The following GRM7 variants were observed in gnomAD, a reference collection of about 807,000 sequenced individuals.
GRM7 encodes glutamate metabotropic receptor 7.
A neutral mutation model predicts 84.5 loss-of-function variants in GRM7; 35 were observed. The ratio of observed to expected loss-of-function variants is 0.41; its 90% CI spans 0.32 to 0.55. The LOEUF is 0.55. GRM7 is among the 20% of genes least tolerant of loss of function. The pLI is 0.19. For missense variants in GRM7, 1,003 were observed against 1,194.6 expected (o/e 0.84, Z 2.36); for synonymous variants, 487 against 455.1 (o/e 1.07, Z -0.89).
intron 5 of GRM7, among the ~76,000 whole-genome samples, chr3:7,445,697 A>G (rs1281364910): frequency 6.6e-6 from 1 of 152,208 alleles, no homozygotes; most frequent in African/African-American, 2.4e-5. Flanking sequence ...GACACTATGA[A>G]AGATGCACCA....
At chr3:7,461,512 C>A in intron 6 of GRM7, 71 bp from the exon 7 acceptor site, 1 of 1,271,580 alleles carries the variant, frequency 7.9e-7, no homozygotes, top group South Asian at 1.2e-5. Flanking sequence ...TCTAGCCTGT[C>A]ACCCATAGTA....
rs182027971 is a variant in GRM7 at position 7,538,258 on chromosome 3, C to A, written c.1516-40164C>A. ...CTGAGAAGCTGGGATTACAAGAGTG[C>A]GCAACCACGCCCAGCTAATTTTTGT... On this transcript the variant is annotated intron_variant, in intron 7 of 9. Coordinates refer to ENST00000357716, the MANE Select transcript of GRM7 (RefSeq NM_000844.4). Among the ~76,000 whole-genome samples, 241 of 152,174 alleles carry A rather than the reference C, an allele frequency of 1.6e-3. 1 individual carries two copies. Among genetic ancestry groups the A allele is most frequent in the Admixed American group, 4.6e-3 (70 of 15,282 alleles).
chr3:7,174,326 A>G (rs186784503), intron 2 of GRM7, among the ~76,000 whole-genome samples: 101 of 152,356 alleles, frequency 6.6e-4, no homozygotes, highest in African/African-American at 2.4e-3. Flanking sequence ...TGTAAAGAAA[A>G]AGAAACCACT....
At chr3:7,093,779 A>C (rs1011704137) in intron 1 of GRM7, among the ~76,000 whole-genome samples, 4 of 150,882 alleles carry the variant, frequency 2.7e-5, no homozygotes, top group African/African-American at 4.9e-5. Context: ...GTTCTGTTAA[A>C]CTTCAATTGA....
intron 4 of GRM7, among the ~76,000 whole-genome samples, chr3:7,380,087 G>A (rs1237374191): frequency 6.6e-6 from 1 of 152,146 alleles, no homozygotes. Context: ...GGCAGTTGTA[G>A]AATGGCTTGG....
intron 1 of GRM7, among the ~76,000 whole-genome samples, chr3:6,913,928 C>T (rs1317976202): frequency 6.6e-6 from 1 of 152,120 alleles, no homozygotes; most frequent in Admixed American, 6.5e-5. Flanking sequence ...ATCATTTTTT[C>T]TCTTGGTATT....
intron 7 of GRM7, among the ~76,000 whole-genome samples, chr3:7,561,872 A>G (rs1559404040): frequency 6.6e-6 from 1 of 152,148 alleles, no homozygotes; most frequent in Non-Finnish European, 1.5e-5. Context: ...ATACACTTCA[A>G]CAGCCTTCTG....
intron 7 of GRM7, among the ~76,000 whole-genome samples, chr3:7,500,493 G>A (rs1458424484): frequency 6.6e-6 from 1 of 152,224 alleles, no homozygotes; most frequent in African/African-American, 2.4e-5. Context: ...GATCTTGAAG[G>A]AGCATTGAAC....
chr3:6,969,989 C>T (rs1200498578), intron 1 of GRM7, among the ~76,000 whole-genome samples: 1 of 152,176 alleles, frequency 6.6e-6, no homozygotes, highest in Non-Finnish European at 1.5e-5. Flanking sequence ...CAATTTTCTC[C>T]TGCCTCAGAT....
At chr3:7,720,258 G>A (rs1321817052) in intron 9 of GRM7, among the ~76,000 whole-genome samples, 1 of 152,058 alleles carries the variant, frequency 6.6e-6, no homozygotes, top group African/African-American at 2.4e-5. Context: ...TTGTGACCTG[G>A]GCAATACCAT....
chr3:7,402,240 A>T (rs2125159724), intron 4 of GRM7, among the ~76,000 whole-genome samples: 1 of 152,300 alleles, frequency 6.6e-6, no homozygotes, highest in Non-Finnish European at 1.5e-5. Context: ...GTTGGCACAG[A>T]TAAGGTTACG....
intron 1 of GRM7, among the ~76,000 whole-genome samples, chr3:7,008,907 A>AT (rs1241218309): frequency 5.3e-5 from 8 of 152,020 alleles, no homozygotes; most frequent in South Asian, 2.1e-4. Context: ...CTGTCAAACT[A>AT]TTTTTTTTAA....
At chr3:6,961,363 A>T (rs73126752) in intron 1 of GRM7, among the ~76,000 whole-genome samples, 2,149 of 152,230 alleles carry the variant, frequency 0.014, 43 homozygotes, top group African/African-American at 0.048. Context: ...TCCCTTGCTC[A>T]TACCTTCAAC....
chr3:7,098,430 G>A (rs1245480359), intron 1 of GRM7, among the ~76,000 whole-genome samples: 1 of 151,940 alleles, frequency 6.6e-6, no homozygotes, highest in African/African-American at 2.4e-5. Context: ...TCACTTTGGA[G>A]TTATCAAACA....
chr3:6,955,366 G>A (rs1489531325), intron 1 of GRM7, among the ~76,000 whole-genome samples: 11 of 152,000 alleles, frequency 7.2e-5, no homozygotes, highest in Non-Finnish European at 1.3e-4. Context: ...GTGAAGCCCC[G>A]TCTCTACTAA....
chr3:7,651,447 G>A (rs1698933918), intron 8 of GRM7, among the ~76,000 whole-genome samples: 1 of 152,210 alleles, frequency 6.6e-6, no homozygotes, highest in South Asian at 2.1e-4. Flanking sequence ...CTTAATGCCT[G>A]TTTTGCTGGA....
chr3:7,104,871 C>G (rs748923612), intron 1 of GRM7, among the ~76,000 whole-genome samples: 27 of 151,824 alleles, frequency 1.8e-4, no homozygotes, highest in Admixed American at 3.3e-4. Context: ...AGTCATGTCT[C>G]TCTGGTCTGG....
intron 4 of GRM7, among the ~76,000 whole-genome samples, chr3:7,371,564 G>C (rs1023205476): frequency 2.0e-5 from 3 of 152,064 alleles, no homozygotes; most frequent in African/African-American, 7.2e-5. Context: ...AATGTGCTAG[G>C]GCCAATACTG....
At chr3:7,135,592 C>T (rs1246350085) in intron 1 of GRM7, among the ~76,000 whole-genome samples, 1 of 152,052 alleles carries the variant, frequency 6.6e-6, no homozygotes, top group Non-Finnish European at 1.5e-5. Context: ...CATTCGCCTT[C>T]CAAAAAGTAA....
Sources: gnomAD v4.1 joint callset for allele counts (sites outside exome capture counted in the v4.1 genomes callset) on GRCh38, gnomAD v4.1.1 for gene constraint, MANE v1.5 for transcripts, NCBI Gene and HGNC (gene_info 2026-07-23, HGNC 2026-07-21) for gene names.